Variants in WNK2 observed in about 807,000 individuals in gnomAD.
WNK2 encodes the protein WNK lysine deficient protein kinase 2.
Under a neutral mutation model 192.1 loss-of-function variants are expected in WNK2, and 67 were observed. The observed-to-expected ratio is 0.35, with a 90% CI of 0.29 to 0.43. WNK2 has a LOEUF of 0.43. Ranked by LOEUF, WNK2 falls within the 20% of genes least tolerant of loss-of-function variation. The pLI is 1.00. For missense variants in WNK2, 2,698 were observed against 3,089.7 expected, an observed-to-expected ratio of 0.87 and a Z score of 3.01; for synonymous variants, 1,439 against 1,393.9, an observed-to-expected ratio of 1.03 and a Z score of -0.72.
chr9:93,193,178 A>G (rs536590027), intron 2 of WNK2, among the ~76,000 whole-genome samples: 3 of 152,150 alleles, frequency 2.0e-5, no homozygotes, highest in South Asian at 2.1e-4. Context: ...CGTCGCCCCA[A>G]AGGTCCCAGC....
At chr9:93,195,152 C>T (rs1831017573) in intron 2 of WNK2, among the ~76,000 whole-genome samples, 1 of 152,060 alleles carries the variant, frequency 6.6e-6, no homozygotes, top group Non-Finnish European at 1.5e-5. Context: ...ATACATTTGT[C>T]AAAACCCATA....
chr9:93,308,190 G>A (rs1217585277), intron 27 of WNK2, 138 bp from the exon 28 acceptor site: 19 of 1,435,880 alleles, frequency 1.3e-5, no homozygotes, highest in East Asian at 1.0e-4. Context: ...TAATCCGACC[G>A]CCTCTTGAAG....
intron 2 of WNK2, among the ~76,000 whole-genome samples, chr9:93,228,487 T>C (rs148230217): frequency 6.6e-4 from 101 of 152,340 alleles, no homozygotes; most frequent in African/African-American, 2.3e-3. Context: ...TGTTTAGTTA[T>C]GTTTCTGGTT....
At chr9:93,262,840 T>C in intron 14 of WNK2, 121 bp downstream of exon 14, 2 of 1,123,484 alleles carry the variant, frequency 1.8e-6, no homozygotes, top group Non-Finnish European at 2.6e-6. Flanking sequence ...CTGATGCCAT[T>C]AGGGGTTTTT....
chr9:93,319,319 C>T (rs1855232923), intron 29 of WNK2: 73 of 1,432,216 alleles, frequency 5.1e-5, no homozygotes, highest in Non-Finnish European at 6.3e-5. Context: ...GCTGCATCCA[C>T]ACCTCTGGAG....
rs753004359 is a variant in WNK2 at position 93,297,935 on chromosome 9, C to G, written c.5791C>G (p.Pro1931Ala). 1 of 1,589,244 alleles carries G rather than the reference C, an allele frequency of 6.3e-7. No homozygotes were observed. The highest frequency in any genetic ancestry group is 1.8e-5 in the Admixed American group (1 of 56,692). Residue 1931 changes from proline to alanine, a missense_variant, in exon 24 of 30, where the codon CCC becomes GCC. Physicochemically the swap from Pro to Ala is conservative, Grantham distance 27. Coordinates refer to ENST00000427277, the MANE Select transcript of WNK2 (RefSeq NM_006648.4). The stretch of plus-strand genomic sequence containing the variant: ...GTACCGCCGCCTGGGCAAGCCACTG[C>G]CCCCCAACGTGGGCTTCTTCCACAC... The part of the protein sequence containing the change: ...ALYRRLGKPL[P>A]PNVGFFHTAP...
In WNK2 at chr9:93,268,819, C is replaced by T. The variant is rs368401773; in HGVS notation, c.4033+73C>T. 2.3e-4 allele frequency: 367 copies of T among 1,580,042 alleles called. No homozygotes were observed. In the African/African-American group the frequency reaches 2.4e-3, roughly 10 times the overall value. On this transcript the variant is annotated intron_variant, in intron 19 of 29. Transcript: ENST00000427277. ...GGCCTCCTTCTGTGCATGACCCAGC[C>T]GGTATGTGCCCCGTGCCCAGGTCCA...
intron 4 of WNK2, among the ~76,000 whole-genome samples, chr9:93,233,197 CAAAAA>C (rs11298656): frequency 1.0e-5 from 1 of 99,034 alleles, no homozygotes; most frequent in African/African-American, 3.7e-5. Flanking sequence ...GATCCAGTCT[CAAAAA>C]AAAAAAAAAA....
chr9:93,220,858 G>T (rs117929106), intron 2 of WNK2, among the ~76,000 whole-genome samples: 6 of 152,162 alleles, frequency 3.9e-5, no homozygotes, highest in African/African-American at 1.2e-4. Context: ...ACCCTGTCAT[G>T]GTTCATTGCC....
intron 7 of WNK2, among the ~76,000 whole-genome samples, chr9:93,245,609 G>T (rs533530119): frequency 2.1e-4 from 32 of 152,344 alleles, no homozygotes; most frequent in Middle Eastern, 3.4e-3. Flanking sequence ...CTCACCTTTT[G>T]CAACTGTACG....
At chr9:93,264,560 G>T (rs560841584) in intron 16 of WNK2, among the ~76,000 whole-genome samples, 3 of 152,278 alleles carry the variant, frequency 2.0e-5, no homozygotes, top group Admixed American at 2.0e-4. Flanking sequence ...CACACCTGTG[G>T]TCCCCAGCAC....
In WNK2 at chr9:93,293,043, A is replaced by C. The variant is rs575451028; in HGVS notation, c.5578A>C (p.Arg1860=). ...AGSLGPETPS[R]VGMKVPTISV... is the part of the protein sequence containing the mutation. ...CTCGCTGGGCCCCGAGACACCCAGCAGGGTGGGCATGAAGGTCCCCACGAT... is the reference window on the plus strand; with the variant it reads ...CTCGCTGGGCCCCGAGACACCCAGCCGGGTGGGCATGAAGGTCCCCACGAT... The change falls in exon 23 of 30, where the codon AGG becomes CGG. Residue 1860 remains arginine, a synonymous_variant. Coordinates refer to ENST00000427277, the MANE Select transcript of WNK2 (RefSeq NM_006648.4). 6.2e-7 allele frequency: 1 copy of C among 1,609,888 alleles called. No individual in the cohort carries two copies. Among genetic ancestry groups the C allele is most frequent in the Admixed American group, 1.7e-5 (1 of 59,572 alleles).
chr9:93,214,910 C>A (rs889158489), intron 2 of WNK2, among the ~76,000 whole-genome samples: 1 of 149,804 alleles, frequency 6.7e-6, no homozygotes, highest in Non-Finnish European at 1.5e-5. Context: ...AGAGATGAGG[C>A]CTTGCTCTGT....
chr9:93,306,023 A>G (rs1029203055), intron 26 of WNK2, among the ~76,000 whole-genome samples: 1 of 152,180 alleles, frequency 6.6e-6, no homozygotes, highest in Non-Finnish European at 1.5e-5. Context: ...CTGACTGGCT[A>G]GGACATTGCA....
chr9:93,274,740 G>C (rs1339458609), intron 19 of WNK2, among the ~76,000 whole-genome samples: 2 of 152,098 alleles, frequency 1.3e-5, no homozygotes, highest in African/African-American at 4.8e-5. Flanking sequence ...CCCTGTACCT[G>C]TTTTTAAATT....
chr9:93,273,034 G>C (rs564299991), intron 19 of WNK2, among the ~76,000 whole-genome samples: 86 of 152,178 alleles, frequency 5.7e-4, no homozygotes, highest in South Asian at 1.7e-3. Context: ...AAAAAGGATG[G>C]TGAAAGACAG....
At chr9:93,309,227 T>C in intron 28 of WNK2, 1 of 677,368 alleles carries the variant, frequency 1.5e-6, no homozygotes, top group Non-Finnish European at 1.8e-6. Flanking sequence ...TTGTATTTTT[T>C]AGCGTGGGAT....
intron 9 of WNK2, 93 bp downstream of exon 9, chr9:93,253,175 G>C (rs373296746): frequency 2.7e-6 from 3 of 1,114,302 alleles, no homozygotes; most frequent in Non-Finnish European, 2.3e-6. Flanking sequence ...GGCTGTCCAG[G>C]CTGCACTGCA....
At chr9:93,267,637 A>G (rs754083095) in intron 16 of WNK2, 109 bp from the exon 17 acceptor site, 238 of 1,307,188 alleles carry the variant, frequency 1.8e-4, no homozygotes, top group Non-Finnish European at 2.5e-4. Flanking sequence ...CCCTTTCACC[A>G]TTCTTCCCTT....
Sources: gnomAD v4.1 joint callset for allele counts (sites outside exome capture counted in the v4.1 genomes callset) on GRCh38, gnomAD v4.1.1 for gene constraint, MANE v1.5 for transcripts, NCBI Gene and HGNC (gene_info 2026-07-23, HGNC 2026-07-21) for gene names.